Variants in IQSEC3 observed in about 807,000 individuals in gnomAD.
IQSEC3 encodes the protein IQ motif and SEC7 domain-containing protein 3.
A neutral mutation model predicts 105.4 loss-of-function variants in IQSEC3; 50 were observed. The ratio of observed to expected loss-of-function variants is 0.47; its 90% confidence interval spans 0.38 to 0.60. The LOEUF is 0.60. IQSEC3 is among the 20% of genes least tolerant of loss of function. IQSEC3 has a pLI of 0.00. For synonymous variants in IQSEC3, 708 were observed against 746.0 expected (o/e 0.95, Z 0.83); for missense variants, 1,415 against 1,630.0 (o/e 0.87, Z 2.27).
Position 159,774 on chromosome 12 carries a change from G to A in IQSEC3, c.2443+2080G>A, listed in dbSNP as rs146066562. Reference sequence around the variant, plus strand: ...TTCCATCTAGAAACTCATGTCCTCCGGTCATGGGAAGTTTTCTTAAATGTT... The same window carrying A: ...TTCCATCTAGAAACTCATGTCCTCCAGTCATGGGAAGTTTTCTTAAATGTT... On this transcript the variant is annotated intron_variant, in intron 7 of 13. Coordinates refer to ENST00000538872, the MANE Select transcript of IQSEC3 (RefSeq NM_001170738.2). Among the ~76,000 whole-genome samples the A allele has an allele frequency of 3.0e-3, 450 of 152,246 alleles. 4 individuals are homozygous for A. In the Middle Eastern group the frequency reaches 0.044, roughly 15 times the overall value.
Position 123,741 on chromosome 12 carries a change from T to TCTGGTGTCATTTGGCCCATCTTTC in IQSEC3, c.624-1891_624-1868dup, listed in dbSNP as rs768190768. ...GGAAGCCGCAGGAAGAGGTCCCTCC[T>TCTGGTGTCATTTGGCCCATCTTTC]CTGGTGTCATTTGGCCCATCTTTCA... is the stretch of plus-strand genomic sequence containing the variant. On this transcript the variant is annotated intron_variant, in intron 2 of 13. Transcript: ENST00000538872. Among the ~76,000 whole-genome samples, 184 of 152,246 alleles carry TCTGGTGTCATTTGGCCCATCTTTC rather than the reference T, an allele frequency of 1.2e-3. 1 individual carries two copies. Among genetic ancestry groups the TCTGGTGTCATTTGGCCCATCTTTC allele is most frequent in the Admixed American group, 2.6e-3 (40 of 15,270 alleles).
intron 5 of IQSEC3, among the ~76,000 whole-genome samples, chr12:150,035 TG>T (rs1866442213): frequency 6.6e-6 from 1 of 151,858 alleles, no homozygotes; most frequent in South Asian, 2.1e-4. Context: ...GCAGGGAGAC[TG>T]GTGAGAAGGC....
At chr12:111,642 T>C (rs1395435370) in intron 2 of IQSEC3, 1 of 152,254 alleles carries the variant, frequency 6.6e-6, no homozygotes, top group Admixed American at 6.5e-5. Flanking sequence ...TGAGGTTGCC[T>C]GGTTGCCTGC....
intron 2 of IQSEC3, among the ~76,000 whole-genome samples, chr12:102,596 C>G (rs1222980263): frequency 1.3e-5 from 2 of 152,200 alleles, no homozygotes; most frequent in African/African-American, 4.8e-5. Context: ...AGAACAGAGC[C>G]TCACCCCTCC....
At chr12:85,655 G>A (rs543870587) in intron 1 of IQSEC3, among the ~76,000 whole-genome samples, 45 of 152,318 alleles carry the variant, frequency 3.0e-4, no homozygotes, top group African/African-American at 1.1e-3. Flanking sequence ...GGAAGCTAGG[G>A]CCTCCTGGCA....
rs900471184 is a variant in IQSEC3 at position 138,462 on chromosome 12, G to A, written c.1099G>A (p.Glu367Lys). 1 of 1,601,630 alleles carries A rather than the reference G, an allele frequency of 6.2e-7. No individual in the cohort carries two copies. Among genetic ancestry groups the A allele is most frequent in the South Asian group, 1.1e-5 (1 of 90,638 alleles). Residue 367 changes from glutamate to lysine, a missense_variant, in exon 4 of 14, where the codon GAG becomes AAG. This residue lies in a region of IQSEC3 where 720 missense variants were observed against 633.0 expected (regional missense o/e 1.14). Transcript: ENST00000538872. This position sits in a 1 kb window ranked among gnomAD's most constrained non-coding sequence, Gnocchi z 7.1. ...ACCCACGGCCGAGAGCCTGGCGGCC[G>A]AGAAAGCGCTCATGGAGGGCTACGG... ...RSPTAESLAAEKALMEGYGLV... is the reference protein window; with the variant it reads ...RSPTAESLAAKKALMEGYGLV...
rs1353482723 is a variant in IQSEC3, at chr12:174,879, C to A, written c.3395C>A (p.Thr1132Lys). The stretch of plus-strand genomic sequence containing the variant: ...TCGTCCTCTGACTCCTGCGGCTCCA[C>A]ACCCCTGGGCGGTCCCGGCTCTCCG... ...TSSSSDSCGSTPLGGPGSPVK... is the reference protein window; with the variant it reads ...TSSSSDSCGSKPLGGPGSPVK... The change falls in exon 14 of 14, where the codon ACA (threonine) becomes AAA (lysine). Residue 1132 changes from threonine (T) to lysine (K), a missense_variant. Thr to Lys is a moderately conservative substitution (Grantham distance 78). Coordinates refer to ENST00000538872, the MANE Select transcript of IQSEC3 (RefSeq NM_001170738.2). 6.3e-7 allele frequency: 1 copy of A among 1,574,890 alleles called. No individual in the cohort carries two copies. Among genetic ancestry groups the A allele is most frequent in the South Asian group, 1.1e-5 (1 of 87,030 alleles).
intron 5 of IQSEC3, among the ~76,000 whole-genome samples, chr12:156,449 GGCTGGGGCAGCTGGGGGGA>G (rs1316633040): frequency 1.3e-5 from 2 of 151,926 alleles, no homozygotes; most frequent in South Asian, 2.1e-4. Flanking sequence ...CTCCCCTGAG[GGCTGGGGCAGCTGGGGGGA>G]GCTGGGGCAG....
intron 1 of IQSEC3, among the ~76,000 whole-genome samples, chr12:98,727 C>T (rs1436146998): frequency 6.6e-6 from 1 of 152,242 alleles, no homozygotes; most frequent in African/African-American, 2.4e-5. Context: ...GCACGCAATT[C>T]TGTGCATCCT....
At chr12:169,690 C>T (rs1376932263) in intron 12 of IQSEC3, among the ~76,000 whole-genome samples, 1 of 152,190 alleles carries the variant, frequency 6.6e-6, no homozygotes, top group Non-Finnish European at 1.5e-5. Context: ...GGCTCCAGAG[C>T]TGGCCCCTCC....
At position 177,796 on chromosome 12, in the gene IQSEC3, C is replaced by T. The variant is rs1939282171; in HGVS notation, c.*2763C>T. Reference sequence around the variant, plus strand: ...AGGGACCTAGGAAAAGCCTCCTGCTCCCTCCCCACGGCAGCAGACAGGGCA... The same window carrying T: ...AGGGACCTAGGAAAAGCCTCCTGCTTCCTCCCCACGGCAGCAGACAGGGCA... On this transcript the variant is annotated 3_prime_UTR_variant, in exon 14 of 14. Transcript: ENST00000538872. This position sits in a 1 kb window ranked among gnomAD's most constrained non-coding sequence, Gnocchi z 5.3. 6.6e-6 allele frequency: 1 copy of T among 152,422 alleles called. No homozygotes were observed. The highest frequency in any genetic ancestry group is 2.4e-5 in the African/African-American group (1 of 41,420). 9.4% of individuals were successfully genotyped at this position (152,422 alleles called of 1,614,324 possible).
intron 3 of IQSEC3, 87 bp downstream of exon 3, chr12:125,999 G>C: frequency 7.6e-7 from 1 of 1,323,630 alleles, no homozygotes; most frequent in Non-Finnish European, 1.0e-6. Flanking sequence ...TATCCCCGCT[G>C]GGTCCCCTCC....
chr12:150,140 G>A (rs1555092226), intron 5 of IQSEC3, among the ~76,000 whole-genome samples: 1 of 152,182 alleles, frequency 6.6e-6, no homozygotes, highest in Non-Finnish European at 1.5e-5. Context: ...CCAGGGCCGT[G>A]GAGAAGCAGC....
Position 175,047 on chromosome 12 carries a change from A to G in IQSEC3, c.*14A>G. 1 of 1,490,602 alleles carries G rather than the reference A, an allele frequency of 6.7e-7. No individual in the cohort carries two copies. Among genetic ancestry groups the G allele is most frequent in the Non-Finnish European group, 8.9e-7 (1 of 1,124,762 alleles). 92.3% of individuals were successfully genotyped at this position (1,490,602 alleles called of 1,614,324 possible). On this transcript the variant is annotated 3_prime_UTR_variant, in exon 14 of 14. Coordinates refer to ENST00000538872, the MANE Select transcript of IQSEC3 (RefSeq NM_001170738.2). ...AGCCTGGTGTAGACTCTGCCCCACCACCCTGCTGTCCTGGGAGGGCTGGCC... is the reference window on the plus strand; with the variant it reads ...AGCCTGGTGTAGACTCTGCCCCACCGCCCTGCTGTCCTGGGAGGGCTGGCC...
At chr12:149,826 G>A (rs548426526) in intron 5 of IQSEC3, among the ~76,000 whole-genome samples, 10 of 152,188 alleles carry the variant, frequency 6.6e-5, no homozygotes, top group Non-Finnish European at 1.0e-4. Flanking sequence ...AAGTGGGGGC[G>A]TGAGAGCCAG....
chr12:123,655 C>T (rs1316862770), intron 2 of IQSEC3, among the ~76,000 whole-genome samples: 1 of 152,142 alleles, frequency 6.6e-6, no homozygotes, highest in Non-Finnish European at 1.5e-5. Flanking sequence ...AGATTCTCAA[C>T]CCCACCCTTG....
intron 5 of IQSEC3, among the ~76,000 whole-genome samples, chr12:147,211 C>A (rs77792446): frequency 1.3e-5 from 2 of 152,102 alleles, no homozygotes; most frequent in African/African-American, 4.8e-5. Context: ...AAGGGTCTTC[C>A]GGGGTGTCAC....
intron 2 of IQSEC3, among the ~76,000 whole-genome samples, chr12:113,447 G>A (rs1185773859): frequency 6.6e-6 from 1 of 152,250 alleles, no homozygotes; most frequent in Non-Finnish European, 1.5e-5. Flanking sequence ...CAACAGTGGA[G>A]CAGAGGCTTT....
At chr12:173,882 C>T (rs1189993655) in intron 13 of IQSEC3, among the ~76,000 whole-genome samples, 3 of 152,192 alleles carry the variant, frequency 2.0e-5, no homozygotes, top group Non-Finnish European at 2.9e-5. Flanking sequence ...TGGGCCACCT[C>T]CTCCTGCCCC....
Sources: allele counts gnomAD v4.1 joint callset (sites outside exome capture counted in the v4.1 genomes callset), GRCh38; gene constraint gnomAD v4.1.1; regional missense constraint gnomAD v4.1.1; non-coding constraint Gnocchi (gnomAD v3.1); transcripts MANE v1.5; gene names NCBI Gene and HGNC (gene_info 2026-07-23, HGNC 2026-07-21).